SLC25A18: variants seen among roughly 807,000 people sequenced by gnomAD.
SLC25A18 encodes the protein solute carrier family 25 member 18.
Under a neutral mutation model 31.1 loss-of-function variants are expected in SLC25A18, and 24 were observed. The observed-to-expected ratio is 0.77, with a 90% CI of 0.56 to 1.08. SLC25A18 has a LOEUF of 1.08. SLC25A18 is among the 50% of genes least tolerant of loss of function. The pLI, the probability that SLC25A18 is intolerant of heterozygous loss-of-function variation, is 0.00. For missense variants in SLC25A18, 371 were observed against 418.5 expected, an observed-to-expected ratio of 0.89 and a Z score of 0.99; for synonymous variants, 173 against 161.9, an observed-to-expected ratio of 1.07 and a Z score of -0.52.
chr22:17,564,702 C>CA (rs1311748960), intron 1 of SLC25A18, among the ~76,000 whole-genome samples: 2 of 151,756 alleles, frequency 1.3e-5, no homozygotes, highest in African/African-American at 2.4e-5. Flanking sequence ...ACTAAAAATA[C>CA]AAAAAATTAG....
At chr22:17,588,577 G>T (rs1415136532) in intron 9 of SLC25A18, 1 of 159,740 alleles carries the variant, frequency 6.3e-6, no homozygotes, top group Non-Finnish European at 1.4e-5. Context: ...TTGAACCCAG[G>T]AGGTGGAGGT....
At chr22:17,578,265 C>T (rs1307158503) in intron 2 of SLC25A18, among the ~76,000 whole-genome samples, 1 of 152,214 alleles carries the variant, frequency 6.6e-6, no homozygotes, top group African/African-American at 2.4e-5. Context: ...GCCACTGTTC[C>T]CGGCCAAACT....
chr22:17,574,854 T>TTATTATTATTATTATTATTA (rs2057193064), intron 2 of SLC25A18, among the ~76,000 whole-genome samples: 1 of 63,104 alleles, frequency 1.6e-5, no homozygotes, highest in South Asian at 3.4e-4. Flanking sequence ...TATTATTATT[T>TTATTATTATTATTATTATTA]ATATATGTAT....
At position 17,581,064 on chromosome 22, in the gene SLC25A18, T is replaced by G; in HGVS notation, c.48T>G (p.Gly16=). Residue 16 remains glycine, a synonymous_variant, in exon 4 of 11, where the codon GGT becomes GGG. Transcript: ENST00000327451. ...LSITAKLING[G]VAGLVGVTCV... ...TCACAGCCAAACTCATCAATGGAGG[T>G]GTAGCAGGGCTCGTGGGGGTGACCT... 3 of 1,555,978 alleles carry G rather than the reference T, an allele frequency of 1.9e-6. No homozygotes were observed. The highest frequency in any genetic ancestry group is 2.6e-6 in the Non-Finnish European group (3 of 1,148,966).
intron 9 of SLC25A18, 34 bp from the exon 10 acceptor site, chr22:17,589,556 G>T: frequency 6.3e-7 from 1 of 1,597,112 alleles, no homozygotes; most frequent in Non-Finnish European, 8.6e-7. Flanking sequence ...AAAGTAAGCT[G>T]TTCACTACTT....
At chr22:17,582,832 G>T (rs1409601646) in intron 6 of SLC25A18, among the ~76,000 whole-genome samples, 179 bp downstream of exon 6, 1 of 152,136 alleles carries the variant, frequency 6.6e-6, no homozygotes, top group Admixed American at 6.5e-5. Flanking sequence ...GAATGAGCTG[G>T]TATACTTTGG....
intron 7 of SLC25A18, among the ~76,000 whole-genome samples, chr22:17,584,473 A>AGAGAG (rs1569190772): frequency 8.7e-6 from 1 of 115,154 alleles, no homozygotes; most frequent in South Asian, 2.7e-4. Context: ...GAGAGAGAGA[A>AGAGAG]AGAAAGAAAG....
rs2057576170 is a variant in SLC25A18, at chr22:17,587,236, C to G, written c.510C>G (p.Ala170=). The G allele has an allele frequency of 2.5e-6, 4 of 1,614,114 alleles. No homozygotes were observed. The East Asian group carries it at 8.9e-5, about 36-fold the overall frequency. ...THRRPSATLI[A]WELLRTQGLA... ...GGCGCCCCTCTGCCACCCTCATTGC[C>G]TGGGAGCTGCTCCGCACTCAGGGCC... The change falls in exon 8 of 11, where the codon GCC becomes GCG. Residue 170 remains alanine (A), a synonymous_variant. Coordinates refer to ENST00000327451, the MANE Select transcript of SLC25A18 (RefSeq NM_031481.3).
chr22:17,584,243 A>AAAT (rs2057458478), intron 7 of SLC25A18: 1 of 203,234 alleles, frequency 4.9e-6, no homozygotes, highest in Non-Finnish European at 8.7e-6. Flanking sequence ...AATACAAAAA[A>AAAT]TTAGCTGGGC....
At position 17,575,103 on chromosome 22, in the gene SLC25A18, C is replaced by T. The variant is rs138095676; in HGVS notation, c.-200-4642C>T. Among the ~76,000 whole-genome samples the T allele has an allele frequency of 3.0e-3, 464 of 152,144 alleles. 3 individuals carry two copies. Among genetic ancestry groups the T allele is most frequent in the African/African-American group, 0.011 (440 of 41,516 alleles). ...GTGACCTCAGGTGATCCACCTGCCT[C>T]GGCCTCCCACAGTGCTGGGATTACA... On this transcript the variant is annotated intron_variant, in intron 2 of 10. Transcript: ENST00000327451.
Position 17,579,978 on chromosome 22 carries a change from G to A in SLC25A18, c.20+14G>A, listed in dbSNP as rs374151224. The A allele has an allele frequency of 4.8e-5, 78 of 1,608,822 alleles. No homozygotes were observed. The highest frequency in any genetic ancestry group is 6.3e-5 in the Non-Finnish European group (74 of 1,178,240). On this transcript the variant is annotated intron_variant, in intron 3 of 10. Transcript: ENST00000327451. The stretch of plus-strand genomic sequence containing the variant: ...CCAGGATCTGAGGTGAGCTCGGCTG[G>A]GGCAGCCTGAGGCCCTGGGCCCTGG...
Position 17,581,640 on chromosome 22 carries a change from C to A in SLC25A18, c.199+227C>A. ...CCGCCACCGCCTCAGTAAGAGCAGG[C>A]GAGCCCTCCCTACCTGCCTGCCTCT... On this transcript the variant is annotated intron_variant, in intron 5 of 10. Transcript: ENST00000327451. 5.4e-6 allele frequency: 3 copies of A among 559,572 alleles called. No homozygotes were observed. In the East Asian group the frequency reaches 8.9e-5, roughly 17 times the overall value. The allele number at this position is 559,572 out of a possible 1,614,324, so 34.7% of individuals were successfully genotyped here. A position where few individuals can be genotyped will look rare whatever the true frequency, so the allele number is the denominator to read the frequency against.
chr22:17,568,250 C>G (rs534434098), intron 1 of SLC25A18, among the ~76,000 whole-genome samples: 378 of 151,602 alleles, frequency 2.5e-3, no homozygotes, highest in Non-Finnish European at 4.2e-3. Context: ...ACCTGTAGTC[C>G]CAGCTACTCG....
chr22:17,587,858 T>TTGTC, intron 8 of SLC25A18, 67 bp from the exon 9 acceptor site: 1 of 1,599,886 alleles, frequency 6.3e-7, no homozygotes, highest in Non-Finnish European at 8.5e-7. Flanking sequence ...GCAAAGCTCA[T>TTGTC]TGTCTCACCT....
rs565753939 is a variant in SLC25A18, at chr22:17,577,356, C to A, written c.-200-2389C>A. On this transcript the variant is annotated intron_variant, in intron 2 of 10. Transcript: ENST00000327451. Reference sequence around the variant, plus strand: ...TATTTTTAGTAGAGATGGGGTTTCTCCATGTTGGTCAGGCTGTTCTCAAAC... The same window carrying A: ...TATTTTTAGTAGAGATGGGGTTTCTACATGTTGGTCAGGCTGTTCTCAAAC... 1.1e-4 allele frequency among the ~76,000 whole-genome samples: 17 copies of A among 151,820 alleles called. No individual in the cohort carries two copies. The South Asian group carries it at 3.5e-3, about 32-fold the overall frequency.
Position 17,582,661 on chromosome 22 carries a change from C to A in SLC25A18, c.290+8C>A, listed in dbSNP as rs781356415. 3.1e-6 allele frequency: 5 copies of A among 1,594,928 alleles called. No homozygotes were observed. In the Admixed American group the frequency reaches 8.7e-5, roughly 28 times the overall value. The stretch of plus-strand genomic sequence containing the variant: ...GCTGCTCATGGAAGATGGGTATGGC[C>A]AGGTGGGGTGGGGTTGGATCCTTCA... On this transcript the variant is annotated splice_region_variant and intron_variant, in intron 6 of 10. Transcript: ENST00000327451.
intron 10 of SLC25A18, 113 bp from the exon 11 acceptor site, chr22:17,589,979 CTTG>C: frequency 1.4e-6 from 2 of 1,432,588 alleles, no homozygotes; most frequent in Non-Finnish European, 1.9e-6. Flanking sequence ...GCCTCTTGCT[CTTG>C]TTGTGGAAGG....
chr22:17,567,269 CA>C, intron 1 of SLC25A18, among the ~76,000 whole-genome samples: 1 of 131,022 alleles, frequency 7.6e-6, no homozygotes, highest in East Asian at 2.2e-4. Context: ...CATAGATGAA[CA>C]GGCAACACAG....
intron 2 of SLC25A18, among the ~76,000 whole-genome samples, chr22:17,570,842 G>A (rs570603221): frequency 1.3e-5 from 2 of 152,322 alleles, no homozygotes; most frequent in East Asian, 3.9e-4. Flanking sequence ...GCAAGTCAGT[G>A]TCAATGTAAT....
Sources: allele counts gnomAD v4.1 joint callset (sites outside exome capture counted in the v4.1 genomes callset), GRCh38; gene constraint gnomAD v4.1.1; transcripts MANE v1.5; gene names NCBI Gene and HGNC (gene_info 2026-07-23, HGNC 2026-07-21).